The following LRRFIP1 variants were observed in gnomAD, a reference collection of about 807,000 sequenced individuals.
LRRFIP1 encodes leucine-rich repeat flightless-interacting protein 1.
In LRRFIP1, 62 loss-of-function variants were observed where a neutral mutation model predicts 104.4. That is an observed-to-expected ratio of 0.59 (90% confidence interval 0.48 to 0.73). The LOEUF (loss-of-function observed/expected upper bound fraction) is 0.73. LRRFIP1 is among the 30% of genes least tolerant of loss of function. The probability of loss-of-function intolerance (pLI) is 0.00; values close to 1 mark genes in which losing one functional copy is unlikely to be tolerated. For synonymous variants in LRRFIP1, 300 were observed against 299.0 expected (o/e 1.00, Z -0.03); for missense variants, 796 against 824.5 (o/e 0.97, Z 0.42).
chr2:237,750,322 C>CTTTTT (rs2058430117), intron 13 of LRRFIP1, among the ~76,000 whole-genome samples: 4 of 113,348 alleles, frequency 3.5e-5, no homozygotes, highest in Non-Finnish European at 5.6e-5. Context: ...TCTTTTCTTT[C>CTTTTT]TTTCTTTTTT....
At chr2:237,719,440 A>G (rs533917916) in intron 4 of LRRFIP1, 83 bp from the exon 5 acceptor site, 5 of 851,458 alleles carry the variant, frequency 5.9e-6, no homozygotes, top group South Asian at 5.5e-5. Flanking sequence ...ATTATGGTGC[A>G]GTGGGACTAC....
intron 22 of LRRFIP1, chr2:237,773,926 G>A (rs1001696719): frequency 3.7e-5 from 6 of 160,636 alleles, no homozygotes; most frequent in East Asian, 1.8e-4. Context: ...ATGCCATGCC[G>A]AAGCCGCCTC....
At chr2:237,709,256 G>C (rs2093960006) in intron 2 of LRRFIP1, among the ~76,000 whole-genome samples, 1 of 152,156 alleles carries the variant, frequency 6.6e-6, no homozygotes, top group Admixed American at 6.5e-5. Flanking sequence ...GACAGCATAA[G>C]GGTTCTTTAA....
At chr2:237,759,915 C>A in intron 18 of LRRFIP1, 149 bp from the exon 19 acceptor site, 1 of 634,532 alleles carries the variant, frequency 1.6e-6, no homozygotes, top group Non-Finnish European at 2.7e-6. Context: ...CGAATATTTA[C>A]GAGTGCTGCA....
In LRRFIP1 at chr2:237,658,503, G is replaced by T. The variant is rs542639557; in HGVS notation, c.96+30763G>T. On this transcript the variant is annotated intron_variant, in intron 1 of 23. Coordinates refer to ENST00000308482, the MANE Select transcript of LRRFIP1 (RefSeq NM_001137550.2). ...ATTTTTTCAAAAAGATTAGTAGGGG[G>T]CTGTGCATTAATCTGTTTTCATACT... Among the ~76,000 whole-genome samples the T allele has an allele frequency of 2.0e-5, 3 of 152,286 alleles. No individual in the cohort carries two copies. In the East Asian group the frequency reaches 5.8e-4, roughly 29 times the overall value.
At chr2:237,769,169 T>C (rs1321354559) in intron 19 of LRRFIP1, 1 of 152,254 alleles carries the variant, frequency 6.6e-6, no homozygotes, top group Non-Finnish European at 1.5e-5. Context: ...GCATACGTTA[T>C]CATCACTGTC....
chr2:237,644,228 C>T (rs1466726821), intron 1 of LRRFIP1, among the ~76,000 whole-genome samples: 1 of 152,248 alleles, frequency 6.6e-6, no homozygotes, highest in Non-Finnish European at 1.5e-5. Flanking sequence ...TGAGCTCGCA[C>T]TCCCTAAAAA....
At chr2:237,699,740 C>G (rs1031764723) in intron 1 of LRRFIP1, among the ~76,000 whole-genome samples, 1 of 152,246 alleles carries the variant, frequency 6.6e-6, no homozygotes, top group Non-Finnish European at 1.5e-5. Flanking sequence ...GTTGGCCGAC[C>G]TGGCCCTGCC....
At chr2:237,721,150 C>T (rs1575812824) in intron 6 of LRRFIP1, 2 of 245,856 alleles carry the variant, frequency 8.1e-6, no homozygotes, top group Non-Finnish European at 8.2e-6. Context: ...AATGCAAAGG[C>T]GCGTCTGCCC....
At chr2:237,644,255 AG>A (rs1422142279) in intron 1 of LRRFIP1, among the ~76,000 whole-genome samples, 2 of 152,266 alleles carry the variant, frequency 1.3e-5, no homozygotes, top group East Asian at 3.8e-4. Flanking sequence ...CATTGTGTCC[AG>A]GAAAACTCTG....
At chr2:237,725,538 A>G (rs2094711098) in intron 7 of LRRFIP1, among the ~76,000 whole-genome samples, 1 of 152,216 alleles carries the variant, frequency 6.6e-6, no homozygotes, top group African/African-American at 2.4e-5. Context: ...CCAAGAGGAG[A>G]AAGTTAGCAG....
chr2:237,725,126 A>G (rs2094691997), intron 7 of LRRFIP1, among the ~76,000 whole-genome samples: 1 of 152,254 alleles, frequency 6.6e-6, no homozygotes. Flanking sequence ...GTATTAGAAC[A>G]TACTAACTTA....
intron 9 of LRRFIP1, among the ~76,000 whole-genome samples, chr2:237,734,497 C>G (rs977122743): frequency 6.6e-6 from 1 of 152,074 alleles, no homozygotes; most frequent in African/African-American, 2.4e-5. Flanking sequence ...CCAGGCTGGT[C>G]TCAAACTCCC....
In LRRFIP1 at chr2:237,691,961, G is replaced by A. The variant is rs2092801027; in HGVS notation, c.97-16583G>A. Among the ~76,000 whole-genome samples, 1 of 148,782 alleles carries A rather than the reference G, an allele frequency of 6.7e-6. No individual in the cohort carries two copies. The highest frequency in any genetic ancestry group is 2.5e-5 in the African/African-American group (1 of 40,332). On this transcript the variant is annotated intron_variant, in intron 1 of 23. Transcript: ENST00000308482. This position sits in a 1 kb window ranked among gnomAD's most constrained non-coding sequence, Gnocchi z 5.4. ...GCGCGGAAGGGCGGGACAGGCCGTG[G>A]GGCGGGGCCTGGGTGGGGCGGAGCC...
At chr2:237,730,876 C>G (rs938604285) in intron 8 of LRRFIP1, among the ~76,000 whole-genome samples, 1 of 152,172 alleles carries the variant, frequency 6.6e-6, no homozygotes, top group Non-Finnish European at 1.5e-5. Context: ...CAAGATTGCA[C>G]CACTGCACTC....
chr2:237,734,612 A>G (rs775852545), intron 9 of LRRFIP1, among the ~76,000 whole-genome samples: 1 of 152,186 alleles, frequency 6.6e-6, no homozygotes, highest in Non-Finnish European at 1.5e-5. Flanking sequence ...ATCAGATTGC[A>G]TACTTATGTG....
In LRRFIP1 at chr2:237,754,877, C is replaced by T. The variant is rs116008954; in HGVS notation, c.1039-1218C>T. ...GCATCATTCAGTGGACTGAAAACTC[C>T]CGAGTCTCACTCCAGAGAAGCTGGA... On this transcript the variant is annotated intron_variant, in intron 15 of 23. Transcript: ENST00000308482. Among the ~76,000 whole-genome samples, 939 of 152,280 alleles carry T rather than the reference C, an allele frequency of 6.2e-3. 14 individuals carry two copies. The highest frequency in any genetic ancestry group is 0.021 in the African/African-American group (888 of 41,544).
rs1211727674 is a variant in LRRFIP1, at chr2:237,766,015, C to T, written c.1460-3928C>T. ...ATATCTGCTTGGGGGTTGCTGATTC[C>T]TATTGGGGTTCCGTGGAAGACCCAC... On this transcript the variant is annotated intron_variant, in intron 19 of 23. Transcript: ENST00000308482. The surrounding 1 kb of genome is among the most constrained non-coding windows in gnomAD (Gnocchi z 4.8). 3 of 742,498 alleles carry T rather than the reference C, an allele frequency of 4.0e-6. No homozygotes were observed. Among genetic ancestry groups the T allele is most frequent in the Non-Finnish European group, 4.9e-6 (3 of 608,526 alleles). The allele number at this position is 742,498 out of a possible 1,614,324, so 46.0% of individuals were successfully genotyped here.
intron 1 of LRRFIP1, among the ~76,000 whole-genome samples, chr2:237,666,478 C>T (rs2089270341): frequency 6.6e-6 from 1 of 152,238 alleles, no homozygotes; most frequent in Non-Finnish European, 1.5e-5. Context: ...GGAATCCACT[C>T]TTCACCTAAG....
Sources: allele counts gnomAD v4.1 joint callset (sites outside exome capture counted in the v4.1 genomes callset), GRCh38; gene constraint gnomAD v4.1.1; non-coding constraint Gnocchi (gnomAD v3.1); transcripts MANE v1.5; gene names NCBI Gene and HGNC (gene_info 2026-07-23, HGNC 2026-07-21).